TRAPPC2L: variants seen among roughly 807,000 people sequenced by gnomAD.
TRAPPC2L encodes the protein trafficking protein particle complex subunit 2-like protein.
Under a neutral mutation model 13.2 loss-of-function variants are expected in TRAPPC2L, and 17 were observed. The ratio of observed to expected loss-of-function variants is 1.29; its 90% CI spans 0.88 to 1.93. The LOEUF (loss-of-function observed/expected upper bound fraction) is 1.93. Ranked by LOEUF, TRAPPC2L falls within the 30% of genes most tolerant of loss-of-function variation. The pLI is 0.00. For missense variants in TRAPPC2L, 359 were observed against 252.1 expected (o/e 1.42, Z -2.87); for synonymous variants, 150 against 98.1 (o/e 1.53, Z -3.12).
At chr16:88,861,186 T>C in exon 4 of TRAPPC2L, 1 of 566,366 alleles carries the variant, frequency 1.8e-6, no homozygotes, top group Non-Finnish European at 3.2e-6. Flanking sequence ...TTCTGGGGTG[T>C]GGGCAGAGGT....
upstream of TRAPPC2L, chr16:88,856,955 G>A (rs1389931054): frequency 1.5e-5 from 21 of 1,437,278 alleles, no homozygotes; most frequent in Middle Eastern, 2.5e-4. Flanking sequence ...GCTGGGCTGC[G>A]GGGCGGGGCC....
At chr16:88,856,344 C>T (rs983640928), upstream of TRAPPC2L, 9 of 702,392 alleles carry the variant, frequency 1.3e-5, no homozygotes, top group African/African-American at 1.0e-4. Context: ...GGAGCAGCCT[C>T]TTCCTCCCTT....
At chr16:88,861,439 G>A in exon 4 of TRAPPC2L, 1 of 346,460 alleles carries the variant, frequency 2.9e-6, no homozygotes, top group Non-Finnish European at 5.7e-6. Context: ...TTCTGGACTT[G>A]GCCTCCATTC....
At chr16:88,859,701 T>C (rs757821375) in exon 3 of TRAPPC2L, 1 of 1,613,996 alleles carries the variant, frequency 6.2e-7, no homozygotes, top group East Asian at 2.2e-5. Context: ...AAGTTTGTCA[T>C]GGTGGTAGAT....
upstream of TRAPPC2L, chr16:88,856,866 A>C: frequency 1.3e-6 from 2 of 1,508,796 alleles, no homozygotes; most frequent in Non-Finnish European, 1.8e-6. Context: ...TCGCCGCGAC[A>C]ACCGCCGCCA....
At chr16:88,857,555 T>C in intron 1 of TRAPPC2L, 2 of 286,990 alleles carry the variant, frequency 7.0e-6, no homozygotes, top group Admixed American at 1.1e-4. Flanking sequence ...CTCCTGCCAG[T>C]CTCCCCGGAG....
At chr16:88,861,256 G>A in exon 4 of TRAPPC2L, 1 of 450,666 alleles carries the variant, frequency 2.2e-6, no homozygotes, top group Non-Finnish European at 4.1e-6. Flanking sequence ...AGAGGCAGGG[G>A]TGCCTGGAGC....
chr16:88,859,915 C>G (rs775227877), exon 4 of TRAPPC2L: 6 of 1,582,864 alleles, frequency 3.8e-6, no homozygotes, highest in Non-Finnish European at 5.2e-6. Flanking sequence ...CTACACAACT[C>G]CTACACAGAC....
At chr16:88,862,510 A>G (rs1250912018) in exon 4 of TRAPPC2L, 1 of 75,978 alleles carries the variant, frequency 1.3e-5, no homozygotes, top group Non-Finnish European at 2.5e-5. Flanking sequence ...GCGTGAGGAA[A>G]GGGTCACACC....
intron 2 of TRAPPC2L, 173 bp from the exon 3 acceptor site, chr16:88,859,490 G>A (rs1597625437): frequency 2.7e-6 from 2 of 732,992 alleles, no homozygotes; most frequent in East Asian, 2.6e-5. Flanking sequence ...AACACCAGAC[G>A]TCGCCCTAGC....
chr16:88,861,789 G>C, exon 4 of TRAPPC2L: 1 of 408,220 alleles, frequency 2.4e-6, no homozygotes, highest in Admixed American at 2.6e-5. Flanking sequence ...GTTTCTCAAG[G>C]ACCTTGAGGA....
At chr16:88,857,046 T>C (rs2143013852), upstream of TRAPPC2L, 4 of 1,433,958 alleles carry the variant, frequency 2.8e-6, no homozygotes, top group Admixed American at 2.7e-5. Context: ...TCGTGACCAG[T>C]GGGGCGGGGC....
At position 88,859,657 on chromosome 16, in the gene TRAPPC2L, G is replaced by A. The variant is rs749471400; in HGVS notation, c.207-6G>A. On this transcript the variant is annotated splice_polypyrimidine_tract_variant and splice_region_variant and intron_variant, in intron 2 of 3. Coordinates refer to ENST00000565504, the Ensembl canonical transcript of TRAPPC2L. Reference sequence around the variant, plus strand: ...TTACGAGTGCCTTCCCTAACCAGCTGTGCAGATACGGCTACGTCACCAACT... The same window carrying A: ...TTACGAGTGCCTTCCCTAACCAGCTATGCAGATACGGCTACGTCACCAACT... The A allele has an allele frequency of 1.9e-6, 3 of 1,613,862 alleles. No homozygotes were observed. Among genetic ancestry groups the A allele is most frequent in the South Asian group, 1.1e-5 (1 of 91,084 alleles).
intron 1 of TRAPPC2L, 58 bp downstream of exon 1, chr16:88,857,241 T>C (rs2143014125): frequency 5.0e-6 from 7 of 1,414,076 alleles, no homozygotes; most frequent in African/African-American, 4.4e-5. Flanking sequence ...CTCCGCTTTC[T>C]TTCTACTTCT....
chr16:88,862,315 T>G (rs1196925696), exon 4 of TRAPPC2L: 1 of 152,444 alleles, frequency 6.6e-6, no homozygotes, highest in Non-Finnish European at 1.5e-5. Context: ...ACGAGAGCCA[T>G]GTCCTGGGCT....
intron 1 of TRAPPC2L, among the ~76,000 whole-genome samples, chr16:88,858,067 G>C (rs2613469): frequency 1 from 152,175 of 152,366 alleles, 75,992 homozygotes; most frequent in Middle Eastern, 1. Context: ...CACTGTATTT[G>C]TGCAGGACCC....
At chr16:88,857,596 G>A (rs1968038907) in intron 1 of TRAPPC2L, 1 of 222,864 alleles carries the variant, frequency 4.5e-6, no homozygotes. Flanking sequence ...ATCCTGTCAC[G>A]CCTCTGCCTG....
chr16:88,859,866 G>C, intron 3 of TRAPPC2L, 27 bp from the exon 4 acceptor site: 1 of 1,579,058 alleles, frequency 6.3e-7, no homozygotes, highest in Non-Finnish European at 8.6e-7. Context: ...TATGTGGCAA[G>C]GTCATGGTTT....
At chr16:88,858,560 G>A in intron 1 of TRAPPC2L, 59 bp from the exon 2 acceptor site, 3 of 1,578,614 alleles carry the variant, frequency 1.9e-6, no homozygotes, top group Non-Finnish European at 2.6e-6. Context: ...GCATAGTTCA[G>A]AGCTGGTGTG....
Sources: allele counts gnomAD v4.1 joint callset (sites outside exome capture counted in the v4.1 genomes callset), GRCh38; gene constraint gnomAD v4.1.1; transcripts MANE v1.5; gene names NCBI Gene and HGNC (gene_info 2026-07-23, HGNC 2026-07-21).